Variants in PNPT1 observed in about 807,000 individuals in gnomAD.
PNPT1 encodes the protein polyribonucleotide nucleotidyltransferase 1, also known as polyribonucleotide nucleotidyltransferase 1, mitochondrial.
A neutral mutation model predicts 119.5 loss-of-function variants in PNPT1; 53 were observed. The ratio of observed to expected loss-of-function variants is 0.44; its 90% CI spans 0.36 to 0.56. The LOEUF (loss-of-function observed/expected upper bound fraction) is 0.56, where lower values mean the gene tolerates loss of function less well. Ranked by LOEUF, PNPT1 falls within the 20% of genes least tolerant of loss-of-function variation. PNPT1 has a pLI of 0.00. For synonymous variants in PNPT1, 357 were observed against 322.1 expected, an observed-to-expected ratio of 1.11 and a Z score of -1.16; for missense variants, 948 against 938.5, an observed-to-expected ratio of 1.01 and a Z score of -0.13.
At chr2:55,688,871 C>G (rs897877976) in intron 1 of PNPT1, among the ~76,000 whole-genome samples, 1 of 152,118 alleles carries the variant, frequency 6.6e-6, no homozygotes. Flanking sequence ...GAACAATTTT[C>G]AATTCAATGA....
intron 19 of PNPT1, 81 bp downstream of exon 19, chr2:55,647,266 T>G: frequency 8.9e-7 from 1 of 1,126,990 alleles, no homozygotes; most frequent in Non-Finnish European, 1.3e-6. Context: ...GTCTTCACCA[T>G]TATTTGTTTT....
intron 2 of PNPT1, among the ~76,000 whole-genome samples, chr2:55,686,845 T>C (rs1053193420): frequency 6.6e-6 from 1 of 152,176 alleles, no homozygotes; most frequent in Non-Finnish European, 1.5e-5. Flanking sequence ...CGTCACTTAA[T>C]ACGGCTGGGC....
chr2:55,676,847 G>C (rs994949555), intron 8 of PNPT1, among the ~76,000 whole-genome samples: 6 of 148,792 alleles, frequency 4.0e-5, no homozygotes, highest in African/African-American at 1.5e-4. Context: ...CGGCAACAGA[G>C]AGAGACCTGG....
chr2:55,648,615 C>T (rs1487047097), intron 18 of PNPT1, among the ~76,000 whole-genome samples: 1 of 152,006 alleles, frequency 6.6e-6, no homozygotes, highest in Non-Finnish European at 1.5e-5. Flanking sequence ...ATTTATATGT[C>T]TTATTTTGAG....
chr2:55,692,066 G>A (rs139573155), intron 1 of PNPT1, among the ~76,000 whole-genome samples: 4,490 of 151,510 alleles, frequency 0.03, 105 homozygotes, highest in South Asian at 0.087. Context: ...TGTATTTTTA[G>A]TAAAGACGGG....
intron 18 of PNPT1, among the ~76,000 whole-genome samples, chr2:55,648,743 A>T (rs946189891): frequency 1.3e-5 from 2 of 152,162 alleles, no homozygotes; most frequent in African/African-American, 4.8e-5. Context: ...ATTATGTTTA[A>T]TAACATATAA....
chr2:55,660,262 A>G, intron 14 of PNPT1, 69 bp from the exon 15 acceptor site: 2 of 1,462,278 alleles, frequency 1.4e-6, no homozygotes, highest in South Asian at 1.4e-5. Context: ...AACACAACTA[A>G]AACAGATTTA....
chr2:55,683,690 T>C (rs1027199543), intron 5 of PNPT1, 95 bp downstream of exon 5: 59 of 1,143,426 alleles, frequency 5.2e-5, no homozygotes, highest in East Asian at 7.5e-5. Flanking sequence ...AAAATTCTTA[T>C]GTTCTTTATA....
chr2:55,689,916 G>C (rs1032928710), intron 1 of PNPT1, among the ~76,000 whole-genome samples: 1 of 152,134 alleles, frequency 6.6e-6, no homozygotes, highest in African/African-American at 2.4e-5. Context: ...TGACCTCCCA[G>C]GCTCAAGTGA....
chr2:55,654,027 G>A (rs926627172), intron 18 of PNPT1, among the ~76,000 whole-genome samples: 1 of 152,154 alleles, frequency 6.6e-6, no homozygotes, highest in African/African-American at 2.4e-5. Context: ...GGGAGGGCAA[G>A]GTGGGTGGAT....
intron 1 of PNPT1, among the ~76,000 whole-genome samples, chr2:55,693,079 C>T (rs984037019): frequency 6.6e-6 from 1 of 152,180 alleles, no homozygotes; most frequent in African/African-American, 2.4e-5. Flanking sequence ...CCATCTCTTA[C>T]CATCTCTGCC....
At chr2:55,665,222 T>C (rs1696697574) in intron 13 of PNPT1, among the ~76,000 whole-genome samples, 1 of 152,216 alleles carries the variant, frequency 6.6e-6, no homozygotes, top group South Asian at 2.1e-4. Flanking sequence ...AAATAATGTA[T>C]AATTGGCTCA....
In PNPT1 at chr2:55,680,714, A is replaced by G. The variant is rs1240038968; in HGVS notation, c.563T>C (p.Val188Ala). The change falls in exon 7 of 28, where the codon GTT (valine) becomes GCT (alanine). Residue 188 changes from valine to alanine, a missense_variant and splice_region_variant. Coordinates refer to ENST00000447944, the MANE Select transcript of PNPT1 (RefSeq NM_033109.5). ...SLSDIPWNGP[V>A]GAVRIGIIDG... ...CTTACTTTTAAATCCTAACTTACCA[A>G]CAGGTCCATTCCAAGGAATATCTGA... The G allele has an allele frequency of 1.5e-5, 24 of 1,611,942 alleles. No individual in the cohort carries two copies. The highest frequency in any genetic ancestry group is 2.0e-5 in the Non-Finnish European group (24 of 1,179,208).
chr2:55,672,632 C>T (rs914569057), intron 9 of PNPT1, among the ~76,000 whole-genome samples: 1 of 152,106 alleles, frequency 6.6e-6, no homozygotes, highest in Non-Finnish European at 1.5e-5. Flanking sequence ...TTTTCCTAGA[C>T]GTGGAGAGAT....
At chr2:55,684,439 G>T (rs1192515028) in intron 4 of PNPT1, among the ~76,000 whole-genome samples, 1 of 152,220 alleles carries the variant, frequency 6.6e-6, no homozygotes, top group East Asian at 1.9e-4. Context: ...ACTCCAGCCT[G>T]GGTGACAGAG....
rs777678739 is a variant in PNPT1 at position 55,656,237 on chromosome 2, A to AAC, written c.1352-19_1352-18dup. On this transcript the variant is annotated splice_polypyrimidine_tract_variant and intron_variant, in intron 16 of 27. Coordinates refer to ENST00000447944, the MANE Select transcript of PNPT1 (RefSeq NM_033109.5). The stretch of plus-strand genomic sequence containing the variant: ...CAAGAGCACCTAAATTAGAATAGAA[A>AAC]ACAATAAGTAAAAAATGTATTAAGT... 7 of 1,612,356 alleles carry AAC rather than the reference A, an allele frequency of 4.3e-6. No homozygotes were observed. The highest frequency in any genetic ancestry group is 1.7e-5 in the Admixed American group (1 of 59,866).
chr2:55,652,925 G>A (rs1056893092), intron 18 of PNPT1, among the ~76,000 whole-genome samples: 1 of 152,186 alleles, frequency 6.6e-6, no homozygotes, highest in Non-Finnish European at 1.5e-5. Flanking sequence ...TTGGCTCACT[G>A]CAGCCTCCGC....
chr2:55,691,878 ATTTTTTTT>A (rs1227966046), intron 1 of PNPT1, among the ~76,000 whole-genome samples: 2 of 33,130 alleles, frequency 6.0e-5, no homozygotes, highest in East Asian at 1.1e-3. Flanking sequence ...ATATATATAT[ATTTTTTTT>A]TTTTTTTTTT....
chr2:55,672,160 C>G, intron 9 of PNPT1, 114 bp from the exon 10 acceptor site: 1 of 751,356 alleles, frequency 1.3e-6, no homozygotes, highest in East Asian at 2.9e-5. Flanking sequence ...TTAATAAATA[C>G]TTCAGAAAGA....
Sources: allele counts gnomAD v4.1 joint callset (sites outside exome capture counted in the v4.1 genomes callset), GRCh38; gene constraint gnomAD v4.1.1; transcripts MANE v1.5; gene names NCBI Gene and HGNC (gene_info 2026-07-23, HGNC 2026-07-21).